Variants in FHIT observed in about 807,000 individuals in gnomAD.
FHIT encodes the protein bis(5'-adenosyl)-triphosphatase.
A neutral mutation model predicts 17.9 loss-of-function variants in FHIT; 19 were observed. That is an observed-to-expected ratio of 1.06 (90% CI 0.74 to 1.56). The LOEUF (loss-of-function observed/expected upper bound fraction) is 1.56. Among genes scored for constraint, FHIT ranks in the 40% most tolerant of loss-of-function variants. The pLI is 0.00. For missense variants in FHIT, 248 were observed against 189.2 expected (o/e 1.31, Z -1.82); for synonymous variants, 81 against 69.7 (o/e 1.16, Z -0.81).
chr3:59,838,932 T>G (rs1186258622), intron 8 of FHIT, among the ~76,000 whole-genome samples: 1 of 152,144 alleles, frequency 6.6e-6, no homozygotes, highest in East Asian at 1.9e-4. Context: ...TGCGCTACCT[T>G]GATCAATTAT....
At chr3:61,205,544 G>A (rs1297820290) in intron 1 of FHIT, among the ~76,000 whole-genome samples, 2 of 152,158 alleles carry the variant, frequency 1.3e-5, no homozygotes, top group Non-Finnish European at 2.9e-5. Context: ...TCTCATTGTG[G>A]TTTTGATTTG....
At chr3:60,179,686 TA>T (rs552143665) in intron 5 of FHIT, among the ~76,000 whole-genome samples, 54 of 147,108 alleles carry the variant, frequency 3.7e-4, no homozygotes, top group Middle Eastern at 3.5e-3. Context: ...TGTAAGTGTG[TA>T]AAAAAAAAAA....
At chr3:60,542,741 A>G (rs1224792236) in intron 4 of FHIT, among the ~76,000 whole-genome samples, 1 of 152,192 alleles carries the variant, frequency 6.6e-6, no homozygotes, top group African/African-American at 2.4e-5. Flanking sequence ...TTGAACAGAA[A>G]TCATTCATTT....
chr3:60,003,454 G>T (rs1198284888), intron 7 of FHIT, among the ~76,000 whole-genome samples: 4 of 152,140 alleles, frequency 2.6e-5, no homozygotes, highest in African/African-American at 9.7e-5. Context: ...TCCCCATTCT[G>T]TATTTAAGGA....
At chr3:60,832,229 T>A (rs1553742745) in intron 3 of FHIT, among the ~76,000 whole-genome samples, 1 of 150,166 alleles carries the variant, frequency 6.7e-6, no homozygotes, top group African/African-American at 2.5e-5. Context: ...TACAATTAGA[T>A]AAAAAGAAAA....
At chr3:61,215,824 C>G (rs992398537) in intron 1 of FHIT, among the ~76,000 whole-genome samples, 1 of 152,108 alleles carries the variant, frequency 6.6e-6, no homozygotes, top group African/African-American at 2.4e-5. Flanking sequence ...AGTACAGAGC[C>G]CTCAGAAATA....
intron 8 of FHIT, among the ~76,000 whole-genome samples, chr3:59,819,502 G>GA (rs1185713528): frequency 2.0e-5 from 3 of 152,092 alleles, no homozygotes; most frequent in Non-Finnish European, 4.4e-5. Flanking sequence ...ATTTGTATAG[G>GA]AAAAATGTTA....
At chr3:60,370,231 G>A (rs1251570068) in intron 5 of FHIT, among the ~76,000 whole-genome samples, 1 of 151,750 alleles carries the variant, frequency 6.6e-6, no homozygotes, top group Non-Finnish European at 1.5e-5. Flanking sequence ...TACACTTTAT[G>A]TTTTATGAAG....
At chr3:60,726,626 T>C (rs1419171626) in intron 4 of FHIT, among the ~76,000 whole-genome samples, 10 of 152,204 alleles carry the variant, frequency 6.6e-5, no homozygotes, top group African/African-American at 2.2e-4. Context: ...TTCCCTATAC[T>C]AGCTGTGTCC....
chr3:60,232,597 C>T (rs887408917), intron 5 of FHIT, among the ~76,000 whole-genome samples: 3 of 152,192 alleles, frequency 2.0e-5, no homozygotes, highest in South Asian at 2.1e-4. Context: ...CAATTATTAG[C>T]GTCCCACATT....
chr3:59,866,045 C>T (rs1702632596), intron 8 of FHIT, among the ~76,000 whole-genome samples: 1 of 152,074 alleles, frequency 6.6e-6, no homozygotes, highest in South Asian at 2.1e-4. Context: ...AAATATTTAC[C>T]AGCCACAGAC....
chr3:61,090,605 C>T (rs774502819), intron 2 of FHIT, among the ~76,000 whole-genome samples: 26 of 151,924 alleles, frequency 1.7e-4, no homozygotes, highest in Non-Finnish European at 2.9e-4. Context: ...TTTTACTGGG[C>T]GGCTGTGTTT....
At chr3:60,155,012 C>A (rs1445939902) in intron 5 of FHIT, among the ~76,000 whole-genome samples, 1 of 151,770 alleles carries the variant, frequency 6.6e-6, no homozygotes, top group African/African-American at 2.4e-5. Flanking sequence ...CCACTCTGGG[C>A]AACATAGTGA....
intron 1 of FHIT, among the ~76,000 whole-genome samples, chr3:61,237,866 T>A (rs1255096178): frequency 1.3e-5 from 2 of 152,210 alleles, no homozygotes; most frequent in Admixed American, 6.5e-5. Context: ...CAGGGTCAGA[T>A]AATGGGCTCT....
chr3:59,899,244 T>A (rs1045728929), intron 8 of FHIT, among the ~76,000 whole-genome samples: 2 of 152,138 alleles, frequency 1.3e-5, no homozygotes, highest in Non-Finnish European at 1.5e-5. Context: ...ATGATGTAGG[T>A]CAAACACTGA....
intron 4 of FHIT, among the ~76,000 whole-genome samples, chr3:60,742,093 C>A (rs1318268878): frequency 6.6e-6 from 1 of 152,160 alleles, no homozygotes; most frequent in Non-Finnish European, 1.5e-5. Context: ...GCACTCTGAG[C>A]TTGTTTCCTC....
intron 3 of FHIT, among the ~76,000 whole-genome samples, chr3:60,883,566 T>C (rs1303878227): frequency 6.6e-6 from 1 of 152,118 alleles, no homozygotes; most frequent in Non-Finnish European, 1.5e-5. Flanking sequence ...AATCCTTTAA[T>C]TATAGCAAAC....
chr3:61,159,907 C>T (rs2037639040), intron 2 of FHIT, among the ~76,000 whole-genome samples: 1 of 152,172 alleles, frequency 6.6e-6, no homozygotes, highest in African/African-American at 2.4e-5. Flanking sequence ...GTGCACATGC[C>T]TCTTTCTGTG....
chr3:60,293,941 G>A (rs546374815), intron 5 of FHIT, among the ~76,000 whole-genome samples: 2 of 152,242 alleles, frequency 1.3e-5, no homozygotes, highest in Admixed American at 6.5e-5. Flanking sequence ...CTCAGGAGGT[G>A]CCATGGAATT....
Sources: gnomAD v4.1 joint callset for allele counts (sites outside exome capture counted in the v4.1 genomes callset) on GRCh38, gnomAD v4.1.1 for gene constraint, MANE v1.5 for transcripts, NCBI Gene and HGNC (gene_info 2026-07-23, HGNC 2026-07-21) for gene names.